The following PLA2G4D variants were observed in gnomAD, a reference collection of about 807,000 sequenced individuals.
PLA2G4D encodes cytosolic phospholipase A2 delta.
A neutral mutation model predicts 94.4 loss-of-function variants in PLA2G4D; 80 were observed. The ratio of observed to expected loss-of-function variants is 0.85; its 90% CI spans 0.71 to 1.02. PLA2G4D has a LOEUF of 1.02. Ranked by LOEUF, PLA2G4D falls within the 50% of genes least tolerant of loss-of-function variation. The pLI is 0.00. For synonymous variants in PLA2G4D, 438 were observed against 440.9 expected (o/e 0.99, Z 0.08); for missense variants, 1,050 against 1,034.7 (o/e 1.01, Z -0.20).
In PLA2G4D at chr15:42,070,057, C is replaced by A; in HGVS notation, c.2082G>T (p.Gly694=). The part of the protein sequence containing the change: ...QQTELYCRAR[G]LPFPRVEPSP... ...TGGGTTCCACCCGGGGGAAGGGCAG[C>A]CCCCGGGCCCGGCAGTACAGCTCCG... The change falls in exon 19 of 20, where the codon GGG becomes GGT. Residue 694 remains glycine (G), a synonymous_variant. Transcript: ENST00000290472. The A allele has an allele frequency of 6.6e-7, 1 of 1,520,134 alleles. No individual in the cohort carries two copies. The highest frequency in any genetic ancestry group is 8.8e-7 in the Non-Finnish European group (1 of 1,134,496). 94.2% of individuals were successfully genotyped at this position (1,520,134 alleles called of 1,614,324 possible).
chr15:42,078,310 T>A (rs1306926872), intron 13 of PLA2G4D, among the ~76,000 whole-genome samples: 1 of 152,198 alleles, frequency 6.6e-6, no homozygotes, highest in Non-Finnish European at 1.5e-5. Context: ...AAATTCAGGA[T>A]GTTGTTTGCC....
chr15:42,089,071 T>C (rs1469552239), intron 1 of PLA2G4D, among the ~76,000 whole-genome samples: 5 of 152,330 alleles, frequency 3.3e-5, no homozygotes, highest in Admixed American at 3.3e-4. Context: ...TCTCAGACCC[T>C]ATGTCCCTTC....
chr15:42,072,406 G>A lies in PLA2G4D; in HGVS notation c.1318-14C>T, dbSNP rs950812124. The A allele has an allele frequency of 3.7e-6, 6 of 1,605,106 alleles. No individual in the cohort carries two copies. In the African/African-American group the frequency reaches 8.0e-5, roughly 21 times the overall value. On this transcript the variant is annotated splice_polypyrimidine_tract_variant and intron_variant, in intron 13 of 19. Coordinates refer to ENST00000290472, the MANE Select transcript of PLA2G4D (RefSeq NM_178034.4). ...CTGATCCATCACCTGGGGCCAGAGG[G>A]CATCAGGGCCTAAGTGAGGCTGGGA... is the stretch of plus-strand genomic sequence containing the variant.
intron 13 of PLA2G4D, among the ~76,000 whole-genome samples, chr15:42,072,845 G>T (rs1595591121): frequency 6.6e-6 from 1 of 152,164 alleles, no homozygotes; most frequent in East Asian, 1.9e-4. Context: ...CCTTAATGCA[G>T]TTCAAGTTTC....
At chr15:42,072,246 A>T (rs763113591) in intron 14 of PLA2G4D, 29 bp downstream of exon 14, 7 of 1,563,366 alleles carry the variant, frequency 4.5e-6, no homozygotes, top group Admixed American at 1.7e-5. Flanking sequence ...GGGGTGGAGT[A>T]TGTGGGAGGG....
intron 17 of PLA2G4D, 26 bp downstream of exon 17, chr15:42,071,097 T>A (rs368772112): frequency 5.0e-6 from 8 of 1,594,926 alleles, no homozygotes; most frequent in Non-Finnish European, 6.8e-6. Flanking sequence ...CCTTGTGACC[T>A]AGGGACCCCT....
Position 42,087,293 on chromosome 15 carries a change from C to A in PLA2G4D, c.255+7G>T, listed in dbSNP as rs1890168147. ...CAAGGGAGTGGCCAGGAGTCCCGGG[C>A]CTTCACCTTGACCTGACTTTGGATA... On this transcript the variant is annotated splice_region_variant and intron_variant, in intron 3 of 19. Coordinates refer to ENST00000290472, the MANE Select transcript of PLA2G4D (RefSeq NM_178034.4). 1 of 1,613,988 alleles carries A rather than the reference C, an allele frequency of 6.2e-7. No individual in the cohort carries two copies. Among genetic ancestry groups the A allele is most frequent in the Non-Finnish European group, 8.5e-7 (1 of 1,179,946 alleles).
Position 42,084,012 on chromosome 15 carries a change from T to A in PLA2G4D, c.472-233A>T. The A allele has an allele frequency of 1.8e-6, 1 of 551,406 alleles. No individual in the cohort carries two copies. Among genetic ancestry groups the A allele is most frequent in the African/African-American group, 1.9e-5 (1 of 52,824 alleles). The allele number at this position is 551,406 out of a possible 1,614,324, so 34.2% of individuals were successfully genotyped here. A position where few individuals can be genotyped will look rare whatever the true frequency, so the allele number is the denominator to read the frequency against. Reference sequence around the variant, plus strand: ...CCTGGCTCCACACCTCCCCTCCAGCTCCCCTGGCTTTGCCAAACTCCCGAA... The same window carrying A: ...CCTGGCTCCACACCTCCCCTCCAGCACCCCTGGCTTTGCCAAACTCCCGAA... On this transcript the variant is annotated intron_variant, in intron 6 of 19. Coordinates refer to ENST00000290472, the MANE Select transcript of PLA2G4D (RefSeq NM_178034.4). The surrounding 1 kb of genome is among the most constrained non-coding windows in gnomAD (Gnocchi z 4.8).
At chr15:42,079,052 A>G (rs1457940944) in intron 13 of PLA2G4D, among the ~76,000 whole-genome samples, 1 of 152,198 alleles carries the variant, frequency 6.6e-6, no homozygotes, top group African/African-American at 2.4e-5. Flanking sequence ...CAGCTCTATG[A>G]CTTAAGAACT....
chr15:42,071,081 G>A (rs762232347), intron 17 of PLA2G4D, 42 bp downstream of exon 17: 6 of 1,591,570 alleles, frequency 3.8e-6, no homozygotes, highest in Non-Finnish European at 4.3e-6. Flanking sequence ...CCACCCAGAG[G>A]CCCAACCTTG....
rs551671167 is a variant in PLA2G4D, at chr15:42,081,123, A to G, written c.968T>C (p.Val323Ala). The G allele has an allele frequency of 3.7e-6, 6 of 1,613,954 alleles. No individual in the cohort carries two copies. The Admixed American group carries it at 5.0e-5, about 13-fold the overall frequency. ...ACCTCCTCCTGTGGCCATGATGCCC[A>G]CAACGGGTACCTGGACCACACACAG... ...RDLQEDEVPV[V>A]GIMATGGGAR... is the part of the protein sequence containing the mutation. The change falls in exon 12 of 20, where the codon GTG (valine) becomes GCG (alanine). Residue 323 changes from valine to alanine, a missense_variant. Transcript: ENST00000290472.
intron 13 of PLA2G4D, 152 bp from the exon 14 acceptor site, chr15:42,072,544 A>C: frequency 1.5e-6 from 1 of 646,122 alleles, no homozygotes. Flanking sequence ...GTCAGTTCCC[A>C]CTCCTGCCCC....
chr15:42,086,194 T>TTGGGGGGGGGGCCC lies in PLA2G4D; in HGVS notation c.387+18_387+19insGGGCCCCCCCCCCA. ...GGAAGAAGTGGGGCCCACGGGGACT[T>TTGGGGGGGGGGCCC]CCCCACCCACCCACCCACCTGGGGA... On this transcript the variant is annotated intron_variant, in intron 4 of 19. Transcript: ENST00000290472. 6.6e-6 allele frequency: 9 copies of TTGGGGGGGGGGCCC among 1,370,438 alleles called. No homozygotes were observed. The highest frequency in any genetic ancestry group is 6.7e-6 in the Non-Finnish European group (7 of 1,043,078). The allele number at this position is 1,370,438 out of a possible 1,614,324, so 84.9% of individuals were successfully genotyped here.
chr15:42,092,081 G>GTCTT (rs1890255335), intron 1 of PLA2G4D, among the ~76,000 whole-genome samples: 1 of 152,192 alleles, frequency 6.6e-6, no homozygotes, highest in African/African-American at 2.4e-5. Flanking sequence ...TTTGTCTTGT[G>GTCTT]TCTTTATTTC....
chr15:42,072,123 A>C, intron 14 of PLA2G4D, 152 bp downstream of exon 14: 1 of 959,420 alleles, frequency 1.0e-6, no homozygotes, highest in Non-Finnish European at 1.6e-6. Context: ...ACTCTCAAGC[A>C]CAGAGAGATG....
At chr15:42,068,974 G>A in intron 19 of PLA2G4D, 33 bp from the exon 20 acceptor site, 1 of 1,576,890 alleles carries the variant, frequency 6.3e-7, no homozygotes, top group Non-Finnish European at 8.6e-7. Flanking sequence ...TCAGGAGCAG[G>A]ACGCCGGGGC....
chr15:42,079,580 A>C lies in PLA2G4D; in HGVS notation c.1274T>G (p.Val425Gly). The change falls in exon 13 of 20, where the codon GTG becomes GGG. Residue 425 changes from valine (V) to glycine (G), a missense_variant. Transcript: ENST00000290472. ...RAEQGHPTTF[V>G]DLWALVLESM... is the part of the protein sequence containing the mutation. ...CTCCAGCACTAGCGCCCACAGGTCC[A>C]CAAAGGTCGTGGGGTGGCCCTGCTC... The C allele has an allele frequency of 6.2e-7, 1 of 1,608,272 alleles. No homozygotes were observed. The highest frequency in any genetic ancestry group is 2.2e-5 in the East Asian group (1 of 44,708).
intron 13 of PLA2G4D, among the ~76,000 whole-genome samples, chr15:42,077,061 A>G (rs752350983): frequency 2.8e-5 from 4 of 142,128 alleles, no homozygotes; most frequent in Non-Finnish European, 6.3e-5. Context: ...GAACAGAACA[A>G]TAACAAGCAA....
chr15:42,086,194 T>TTGGGGGGGGGGGGGGGGGC lies in PLA2G4D; in HGVS notation c.387+18_387+19insGCCCCCCCCCCCCCCCCCA. The TTGGGGGGGGGGGGGGGGGC allele has an allele frequency of 3.6e-6, 5 of 1,370,434 alleles. No individual in the cohort carries two copies. Among genetic ancestry groups the TTGGGGGGGGGGGGGGGGGC allele is most frequent in the African/African-American group, 1.6e-5 (1 of 64,356 alleles). 84.9% of individuals were successfully genotyped at this position (1,370,434 alleles called of 1,614,324 possible). A position where few individuals can be genotyped will look rare whatever the true frequency, so the allele number is the denominator to read the frequency against. ...GGAAGAAGTGGGGCCCACGGGGACT[T>TTGGGGGGGGGGGGGGGGGC]CCCCACCCACCCACCCACCTGGGGA... is the stretch of plus-strand genomic sequence containing the variant. On this transcript the variant is annotated intron_variant, in intron 4 of 19. Transcript: ENST00000290472.
Sources: allele counts gnomAD v4.1 joint callset (sites outside exome capture counted in the v4.1 genomes callset), GRCh38; gene constraint gnomAD v4.1.1; non-coding constraint Gnocchi (gnomAD v3.1); transcripts MANE v1.5; gene names NCBI Gene and HGNC (gene_info 2026-07-23, HGNC 2026-07-21).